The following ATP8B1 variants were observed in gnomAD, a reference collection of about 807,000 sequenced individuals.
The protein encoded by ATP8B1 is phospholipid-transporting ATPase IC.
A neutral mutation model predicts 149.9 loss-of-function variants in ATP8B1; 80 were observed. That is an observed-to-expected ratio of 0.53 (90% CI 0.45 to 0.64). The LOEUF (loss-of-function observed/expected upper bound fraction) is 0.64. Among genes scored for constraint, ATP8B1 ranks in the 30% least tolerant of loss-of-function variants. The probability of loss-of-function intolerance (pLI) is 0.00; values close to 1 mark genes in which losing one functional copy is unlikely to be tolerated. For missense variants in ATP8B1, 1,247 were observed against 1,552.6 expected (o/e 0.80, Z 3.31); for synonymous variants, 536 against 562.8 (o/e 0.95, Z 0.67).
chr18:57,667,029 A>G, intron 20 of ATP8B1, 63 bp downstream of exon 20: 1 of 1,416,570 alleles, frequency 7.1e-7, no homozygotes, highest in Non-Finnish European at 1.0e-6. Flanking sequence ...TATCTTCTAC[A>G]GACAGTCTTG....
chr18:57,656,772 G>A (rs1305183180), intron 22 of ATP8B1, among the ~76,000 whole-genome samples: 3 of 145,826 alleles, frequency 2.1e-5, no homozygotes, highest in Admixed American at 7.0e-5. Context: ...TGGAGGGAGA[G>A]AATGGGGGGA....
chr18:57,766,309 C>T (rs1781893571), intron 1 of ATP8B1, among the ~76,000 whole-genome samples: 1 of 152,058 alleles, frequency 6.6e-6, no homozygotes, highest in African/African-American at 2.4e-5. Context: ...CCACCGAGCC[C>T]AGATAACAAT....
At chr18:57,773,201 T>TA (rs34028925) in intron 1 of ATP8B1, among the ~76,000 whole-genome samples, 13,388 of 139,172 alleles carry the variant, frequency 0.096, 1,642 homozygotes, top group East Asian at 0.58. Flanking sequence ...GACTCTGTCT[T>TA]AAAAAAAAAA....
intron 15 of ATP8B1, among the ~76,000 whole-genome samples, chr18:57,680,521 T>C (rs1246749249): frequency 6.6e-6 from 1 of 150,700 alleles, no homozygotes; most frequent in Non-Finnish European, 1.5e-5. Flanking sequence ...GAGACGGAGG[T>C]TGCAGTGAGC....
chr18:57,695,299 C>T lies in ATP8B1; in HGVS notation c.812G>A (p.Arg271Lys), dbSNP rs758388964. 9.3e-6 allele frequency: 15 copies of T among 1,607,472 alleles called. No homozygotes were observed. Among genetic ancestry groups the T allele is most frequent in the African/African-American group, 5.4e-5 (4 of 74,740 alleles). Residue 271 changes from arginine (R) to lysine (K), a missense_variant, in exon 10 of 28, where the codon AGA becomes AAA. Arg to Lys is a conservative substitution (Grantham distance 26). Transcript: ENST00000648908. ...TAGTGTTCCTGTAAACTTATCTAGT[C>T]TGTTATTGGGTTCTTCACATTCAAT... Reference protein sequence around the residue: ...GFIECEEPNNRLDKFTGTLFW... With the variant: ...GFIECEEPNNKLDKFTGTLFW...
chr18:57,792,623 G>GGT (rs1568074049), intron 1 of ATP8B1, among the ~76,000 whole-genome samples: 2 of 152,148 alleles, frequency 1.3e-5, no homozygotes, highest in Admixed American at 6.5e-5. Flanking sequence ...AGAGCTAAAA[G>GGT]GTACAGGATT....
chr18:57,694,585 G>T lies in ATP8B1; in HGVS notation c.1026C>A (p.Tyr342Ter). ...TACTGAGATGAAAAATAAATACCGTGTAAACCATGTAGTTCATCAAGTAAT... is the reference window on the plus strand; with the variant it reads ...TACTGAGATGAAAAATAAATACCGTTTAAACCATGTAGTTCATCAAGTAAT... ...KIDYLMNYMV[Y>*]TIFVVLILLS... The change falls in exon 11 of 28, where the codon TAC (tyrosine) becomes TAA (stop). Residue 342 changes from tyrosine to a stop codon, truncating the protein, a stop_gained. Coordinates refer to ENST00000648908, the MANE Select transcript of ATP8B1 (RefSeq NM_001374385.1). LOFTEE classifies it high-confidence loss of function. 1 of 1,547,898 alleles carries T rather than the reference G, an allele frequency of 6.5e-7. No homozygotes were observed. Among genetic ancestry groups the T allele is most frequent in the Non-Finnish European group, 8.9e-7 (1 of 1,120,416 alleles).
chr18:57,730,134 A>G (rs953974964), intron 2 of ATP8B1, among the ~76,000 whole-genome samples: 1 of 152,120 alleles, frequency 6.6e-6, no homozygotes, highest in African/African-American at 2.4e-5. Flanking sequence ...AGGAAGAATC[A>G]TTGCAGAAAT....
rs569489667 is a variant in ATP8B1 at position 57,761,788 on chromosome 18, A to G, written c.-25-29956T>C. ...GCCAACATGGTGAAACCCCATCTCT[A>G]AAAATACAAAAATTAGCTGGGCATG... On this transcript the variant is annotated intron_variant, in intron 1 of 27. Transcript: ENST00000648908. Among the ~76,000 whole-genome samples, 11 of 151,370 alleles carry G rather than the reference A, an allele frequency of 7.3e-5. No individual in the cohort carries two copies. The South Asian group carries it at 2.1e-3, about 29-fold the overall frequency.
At chr18:57,764,306 C>CTTCT (rs919121417) in intron 1 of ATP8B1, among the ~76,000 whole-genome samples, 7 of 149,098 alleles carry the variant, frequency 4.7e-5, no homozygotes, top group East Asian at 2.0e-4. Context: ...TTCTTCCTTC[C>CTTCT]TTCTTTCTTT....
At chr18:57,797,034 A>C (rs774757682) in intron 1 of ATP8B1, among the ~76,000 whole-genome samples, 4 of 152,214 alleles carry the variant, frequency 2.6e-5, no homozygotes, top group Non-Finnish European at 5.9e-5. Flanking sequence ...AGTTCCAGGA[A>C]GAGAAAATAA....
At chr18:57,702,940 A>T (rs1424932037) in intron 4 of ATP8B1, among the ~76,000 whole-genome samples, 1 of 152,080 alleles carries the variant, frequency 6.6e-6, no homozygotes, top group Non-Finnish European at 1.5e-5. Context: ...ATCACAGTGA[A>T]TATGTGAAAC....
chr18:57,783,173 G>C (rs1429563077), intron 1 of ATP8B1, among the ~76,000 whole-genome samples: 1 of 152,140 alleles, frequency 6.6e-6, no homozygotes, highest in Admixed American at 6.6e-5. Flanking sequence ...CTAGAAGTAT[G>C]ATGGGTGACA....
chr18:57,789,635 G>A (rs976535180), intron 1 of ATP8B1, among the ~76,000 whole-genome samples: 5 of 152,084 alleles, frequency 3.3e-5, no homozygotes, highest in African/African-American at 9.7e-5. Context: ...CATACAAAGC[G>A]CCCCTTTCCC....
intron 22 of ATP8B1, 40 bp from the exon 23 acceptor site, chr18:57,655,457 G>A (rs776121512): frequency 1.5e-5 from 23 of 1,558,314 alleles, no homozygotes; most frequent in Admixed American, 5.0e-5. Flanking sequence ...ATCATAAACC[G>A]ATTGTGAGGC....
intron 12 of ATP8B1, among the ~76,000 whole-genome samples, chr18:57,690,159 A>G (rs7231057): frequency 0.1 from 15,817 of 152,266 alleles, 1,708 homozygotes; most frequent in African/African-American, 0.27. Context: ...TGTCTGAGTA[A>G]AGGCCTTTGT....
chr18:57,755,394 G>T (rs1157055705), intron 1 of ATP8B1: 2 of 151,908 alleles, frequency 1.3e-5, no homozygotes, highest in African/African-American at 4.8e-5. Context: ...TCCTGGACAT[G>T]TGCTTGCTTC....
chr18:57,720,000 C>G (rs1011875739), intron 2 of ATP8B1, among the ~76,000 whole-genome samples: 2 of 151,906 alleles, frequency 1.3e-5, no homozygotes, highest in Non-Finnish European at 2.9e-5. Flanking sequence ...ACACCTCACA[C>G]GGCAGGGTAT....
rs1400077329 is a variant in ATP8B1, at chr18:57,652,656, T to C, written c.3089A>G (p.Tyr1030Cys). The C allele has an allele frequency of 1.4e-5, 23 of 1,614,072 alleles. No homozygotes were observed. The highest frequency in any genetic ancestry group is 1.9e-5 in the Non-Finnish European group (23 of 1,179,998). The change falls in exon 25 of 28, where the codon TAT (tyrosine) becomes TGT (cysteine). Residue 1030 changes from tyrosine to cysteine, a missense_variant. This residue lies in a region of ATP8B1 where 230 missense variants were observed against 356.6 expected (regional missense o/e 0.65). Coordinates refer to ENST00000648908, the MANE Select transcript of ATP8B1 (RefSeq NM_001374385.1). The stretch of plus-strand genomic sequence containing the variant: ...CAACAAGCTTACAAAGAATCTCTTA[T>C]AGTTGAATAGTAAGTCTCTTTGTCC... Reference protein sequence around the residue: ...IVGQRDLLFNYKRFFVSLLHG... With the variant: ...IVGQRDLLFNCKRFFVSLLHG...
Sources: allele counts gnomAD v4.1 joint callset (sites outside exome capture counted in the v4.1 genomes callset), GRCh38; gene constraint gnomAD v4.1.1; regional missense constraint gnomAD v4.1.1; transcripts MANE v1.5; gene names NCBI Gene and HGNC (gene_info 2026-07-23, HGNC 2026-07-21).